The following ALG13 variants were observed in gnomAD, a reference collection of about 807,000 sequenced individuals.
The protein encoded by ALG13 is UDP-N-acetylglucosamine transferase subunit ALG13.
ALG13 carries 11 observed loss-of-function variants against 87.8 expected under a neutral mutation model. The observed-to-expected ratio is 0.13, with a 90% CI of 0.08 to 0.21. The LOEUF (loss-of-function observed/expected upper bound fraction) is 0.21. ALG13 is among the 10% of genes least tolerant of loss of function. The pLI, the probability that ALG13 is intolerant of heterozygous loss-of-function variation, is 1.00. For missense variants in ALG13, 756 were observed against 866.1 expected, an observed-to-expected ratio of 0.87 and a Z score of 1.60; for synonymous variants, 320 against 306.3, an observed-to-expected ratio of 1.04 and a Z score of -0.47.
chrX:111,747,946 A>C (rs1944392502), intron 24 of ALG13, among the ~76,000 whole-genome samples: 1 of 112,482 alleles, frequency 8.9e-6, no homozygotes, highest in Admixed American at 9.4e-5. Flanking sequence ...GTAGTTCCAC[A>C]TCCATGCCAG....
At chrX:111,750,208 T>A (rs748438396) in intron 24 of ALG13, among the ~76,000 whole-genome samples, 17 of 111,567 alleles carry the variant, frequency 1.5e-4, no homozygotes, top group Non-Finnish European at 3.2e-4. Context: ...CGAGAATATA[T>A]CATGTATTCG....
intron 3 of ALG13, chrX:111,690,108 A>G: frequency 1.3e-6 from 1 of 749,180 alleles, no homozygotes; most frequent in Non-Finnish European, 1.6e-6. Context: ...ACAGATGAGG[A>G]AACATGCTAA....
chrX:111,699,253 C>T (rs1371000492), intron 3 of ALG13, among the ~76,000 whole-genome samples: 7 of 106,446 alleles, frequency 6.6e-5, no homozygotes, highest in South Asian at 4.0e-4. Flanking sequence ...TTTTTTTTTT[C>T]GAGTTATTTG....
In ALG13 at chrX:111,746,549, C is replaced by T. The variant is rs1400617600; in HGVS notation, c.2932+1645C>T. Among the ~76,000 whole-genome samples, 4 of 111,898 alleles carry T rather than the reference C, an allele frequency of 3.6e-5. No homozygotes were observed. The East Asian group carries it at 1.1e-3, about 31-fold the overall frequency. ...AGCATTTCATTGTATGACTGTTCCA[C>T]AGTTTGTCCATTCTCCTGTTGGTGA... On this transcript the variant is annotated intron_variant, in intron 24 of 26. Transcript: ENST00000394780.
At chrX:111,714,290 G>A (rs767264506) in intron 8 of ALG13, 2 of 110,799 alleles carry the variant, frequency 1.8e-5, no homozygotes, top group Non-Finnish European at 3.8e-5. Flanking sequence ...GTTAATTACA[G>A]CAAAGTGGTA....
Position 111,709,048 on chromosome X carries a change from T to C in ALG13, c.834T>C (p.Ser278=). 8.8e-7 allele frequency: 1 copy of C among 1,139,214 alleles called. No homozygotes were observed. Among genetic ancestry groups the C allele is most frequent in the Non-Finnish European group, 1.2e-6 (1 of 842,494 alleles). 93.9% of individuals were successfully genotyped at this position (1,139,214 alleles called of 1,213,427 possible). A position where few individuals can be genotyped will look rare whatever the true frequency, so the allele number is the denominator to read the frequency against. The change falls in exon 5 of 27, where the codon TCT becomes TCC. Residue 278 remains serine (S), a splice_region_variant and synonymous_variant. Transcript: ENST00000394780. ...YMRENQQTFE[S]YVEGSFEKYL... Reference sequence around the variant, plus strand: ...GGGAAAATCAACAAACTTTTGAGTCTGTAAGTAGAATACATACCCAGGGGA... The same window carrying C: ...GGGAAAATCAACAAACTTTTGAGTCCGTAAGTAGAATACATACCCAGGGGA...
rs1276099197 is a variant in ALG13, at chrX:111,689,834, G to A, written c.383+4731G>A. ...AGTTGTTTGCCTAGTGTTCATTTTA[G>A]TTACTCGAATTCCTTGCAAGGTAGG... On this transcript the variant is annotated intron_variant, in intron 3 of 26. Transcript: ENST00000394780. 4.0e-6 allele frequency: 3 copies of A among 751,585 alleles called. No individual in the cohort carries two copies. The African/African-American group carries it at 7.0e-5, about 17-fold the overall frequency. The allele number at this position is 751,585 out of a possible 1,213,427, so 61.9% of individuals were successfully genotyped here.
rs375997239 is a variant in ALG13, at chrX:111,730,613, T to C, written c.2457+33T>C. The C allele has an allele frequency of 6.6e-6, 7 of 1,065,654 alleles. No homozygotes were observed. The African/African-American group carries it at 1.3e-4, about 20-fold the overall frequency. 87.8% of individuals were successfully genotyped at this position (1,065,654 alleles called of 1,213,427 possible). On this transcript the variant is annotated intron_variant, in intron 21 of 26. Coordinates refer to ENST00000394780, the MANE Select transcript of ALG13 (RefSeq NM_001099922.3). ...TTTAATAATAGCAAAGAGTTATAGC[T>C]CCTACTATGTACTAGGGCACTGTTA...
intron 25 of ALG13, among the ~76,000 whole-genome samples, chrX:111,754,489 T>C (rs992829926): frequency 3.6e-5 from 4 of 112,157 alleles, no homozygotes; most frequent in African/African-American, 1.3e-4. Flanking sequence ...AGTCACTTTG[T>C]CTTTGTTTGC....
At position 111,759,029 on chromosome X, in the gene ALG13, C is replaced by CT. The variant is rs201503458; in HGVS notation, c.3149-695dup. ...TTTTAAAGCATATTACAGTGTCAAT[C>CT]TTTTTTTTTTGAATTTTGTGCAGTA... On this transcript the variant is annotated intron_variant, in intron 26 of 26. Transcript: ENST00000394780. 5.1e-3 allele frequency among the ~76,000 whole-genome samples: 534 copies of CT among 105,301 alleles called. 2 individuals carry two copies. The highest frequency in any genetic ancestry group is 0.015 in the Middle Eastern group (3 of 204). The allele number at this position is 105,301 out of a possible 115,157, so 91.4% of individuals were successfully genotyped here.
At chrX:111,712,667 G>A in intron 7 of ALG13, 137 bp downstream of exon 7, 3 of 348,248 alleles carry the variant, frequency 8.6e-6, no homozygotes, top group Non-Finnish European at 1.0e-5. Flanking sequence ...AAGAAAAAGT[G>A]TTAAAATATT....
intron 3 of ALG13, among the ~76,000 whole-genome samples, chrX:111,705,698 T>C (rs1938617328): frequency 8.9e-6 from 1 of 111,963 alleles, no homozygotes; most frequent in Non-Finnish European, 1.9e-5. Flanking sequence ...CACCACTTGA[T>C]GAAAATGCTA....
At position 111,686,262 on chromosome X, in the gene ALG13, G is replaced by GTA. The variant is rs776594109; in HGVS notation, c.383+1169_383+1170dup. 1.6e-4 allele frequency: 64 copies of GTA among 392,659 alleles called. No individual in the cohort carries two copies. The South Asian group carries it at 4.3e-3, about 26-fold the overall frequency. The allele number at this position is 392,659 out of a possible 1,213,427, so 32.4% of individuals were successfully genotyped here. On this transcript the variant is annotated intron_variant, in intron 3 of 26. Coordinates refer to ENST00000394780, the MANE Select transcript of ALG13 (RefSeq NM_001099922.3). ...TGCCTCATAGAATTACTATATATGT[G>GTA]TATATATATATTTATTTACATTATA...
intron 3 of ALG13, among the ~76,000 whole-genome samples, chrX:111,691,397 G>A (rs558354763): frequency 1.8e-5 from 2 of 111,698 alleles, no homozygotes; most frequent in South Asian, 7.4e-4. Flanking sequence ...CACCACACCC[G>A]GCCGTAATAC....
chrX:111,728,403 G>A, intron 19 of ALG13, 98 bp downstream of exon 19: 1 of 944,877 alleles, frequency 1.1e-6, no homozygotes, highest in Admixed American at 3.1e-5. Flanking sequence ...GTCTCTCTCT[G>A]TTCCAGTAGC....
At chrX:111,715,133 T>G (rs1940378994) in intron 8 of ALG13, among the ~76,000 whole-genome samples, 1 of 111,715 alleles carries the variant, frequency 9.0e-6, no homozygotes, top group Admixed American at 9.5e-5. Context: ...TTTAGCTAAT[T>G]TAGGGGGAAC....
chrX:111,726,920 G>C lies in ALG13; in HGVS notation c.1841G>C (p.Arg614Thr), dbSNP rs752779777. The change falls in exon 16 of 27, where the codon AGG becomes ACG. Residue 614 changes from arginine to threonine, a missense_variant. Arg to Thr is a moderately conservative substitution (Grantham distance 71). Coordinates refer to ENST00000394780, the MANE Select transcript of ALG13 (RefSeq NM_001099922.3). ...AAGGGAGACCCCCTCCTCCCACCCA[G>C]GCTGCAGCACAGTATGCATTATGGG... ...YGKGDPLLPP[R>T]LQHSMHYGHD... 9.1e-6 allele frequency: 11 copies of C among 1,209,716 alleles called. No homozygotes were observed. In the African/African-American group the frequency reaches 1.9e-4, roughly 21 times the overall value.
intron 10 of ALG13, among the ~76,000 whole-genome samples, chrX:111,719,136 C>T (rs1401517588): frequency 9.2e-6 from 1 of 108,231 alleles, no homozygotes; most frequent in African/African-American, 3.4e-5. Context: ...AAGCAGTTCT[C>T]CTGCCTCAGC....
chrX:111,745,703 A>G (rs765532314), intron 24 of ALG13, among the ~76,000 whole-genome samples: 7 of 110,970 alleles, frequency 6.3e-5, no homozygotes, highest in Admixed American at 9.7e-5. Context: ...AGACATTTTC[A>G]CTTAGCTTTT....
Sources: allele counts gnomAD v4.1 joint callset (sites outside exome capture counted in the v4.1 genomes callset), GRCh38; gene constraint gnomAD v4.1.1; transcripts MANE v1.5; gene names NCBI Gene and HGNC (gene_info 2026-07-23, HGNC 2026-07-21).